Variants in MEX3B observed in about 807,000 individuals in gnomAD.
MEX3B encodes mex-3 RNA binding family member B, also known as RNA-binding protein MEX3B.
MEX3B carries 10 observed loss-of-function variants against 12.2 expected under a neutral mutation model. The observed-to-expected ratio is 0.82, with a 90% CI of 0.51 to 1.40. MEX3B has a LOEUF of 1.40. Ranked by LOEUF, MEX3B falls within the 40% of genes most tolerant of loss-of-function variation. MEX3B has a pLI of 0.00. For synonymous variants in MEX3B, 498 were observed against 356.3 expected (o/e 1.40, Z -4.48); for missense variants, 839 against 801.4 (o/e 1.05, Z -0.57).
intron 1 of MEX3B, 38 bp downstream of exon 1, chr15:82,045,412 A>ACCACCCCCACCCC: frequency 1.2e-5 from 19 of 1,573,588 alleles, no homozygotes; most frequent in Non-Finnish European, 1.5e-5. Context: ...GAGACCCTAC[A>ACCACCCCCACCCC]CCACCCCCAC....
chr15:82,044,622 C>A lies in MEX3B; in HGVS notation c.257-9G>T. ...CGCTTTGATTTTACAACCTACGAAC[C>A]AGGGTGCGGAGGAGGGAGTGGGAGA... On this transcript the variant is annotated splice_polypyrimidine_tract_variant and intron_variant, in intron 1 of 1. Coordinates refer to ENST00000329713, the MANE Select transcript of MEX3B (RefSeq NM_032246.6). The surrounding 1 kb of genome is among the most constrained non-coding windows in gnomAD (Gnocchi z 5.3). The A allele has an allele frequency of 6.2e-7, 1 of 1,614,054 alleles. No homozygotes were observed. The highest frequency in any genetic ancestry group is 8.5e-7 in the Non-Finnish European group (1 of 1,180,022).
Position 82,043,284 on chromosome 15 carries a change from G to A in MEX3B, c.1586C>T (p.Ala529Val), listed in dbSNP as rs766956569. 1 of 1,612,280 alleles carries A rather than the reference G, an allele frequency of 6.2e-7. No homozygotes were observed. Among genetic ancestry groups the A allele is most frequent in the Non-Finnish European group, 8.5e-7 (1 of 1,179,036 alleles). Reference protein sequence around the residue: ...SVCFESEVIAALVPCGHNLFC... With the variant: ...SVCFESEVIAVLVPCGHNLFC... ...GAGGTTGTGGCCACAGGGCACCAGC[G>A]CGGCAATCACTTCGCTCTCGAAGCA... Residue 529 changes from alanine (A) to valine (V), a missense_variant, in exon 2 of 2, where the codon GCG becomes GTG. By Grantham distance (64) the Ala-to-Val change is moderately conservative. Transcript: ENST00000329713.
In MEX3B at chr15:82,045,890, G is replaced by A. The variant is rs1343467105; in HGVS notation, c.-185C>T. ...TCCGTGCGGTCCGCACCGGGCAGTG[G>A]CTGCAGGAGCCCCCACCTGGGTCCC... On this transcript the variant is annotated 5_prime_UTR_variant, in exon 1 of 2. Transcript: ENST00000329713. The A allele has an allele frequency of 2.3e-5, 13 of 575,992 alleles. No homozygotes were observed. Among genetic ancestry groups the A allele is most frequent in the Non-Finnish European group, 2.9e-5 (11 of 385,570 alleles). The allele number at this position is 575,992 out of a possible 1,614,324, so 35.7% of individuals were successfully genotyped here. A position where few individuals can be genotyped will look rare whatever the true frequency, so the allele number is the denominator to read the frequency against.
chr15:82,043,923 G>T lies in MEX3B; in HGVS notation c.947C>A (p.Ala316Glu). 1 of 1,600,760 alleles carries T rather than the reference G, an allele frequency of 6.2e-7. No homozygotes were observed. ...GGCGGGGCTAGGGGGGCTGTAGTCCGCCAGGCGCTGGGTAGCCGCTGCGCT... is the reference window on the plus strand; with the variant it reads ...GGCGGGGCTAGGGGGGCTGTAGTCCTCCAGGCGCTGGGTAGCCGCTGCGCT... The part of the protein sequence containing the change: ...SSSAAATQRL[A>E]DYSPPSPALS... Residue 316 changes from alanine (A) to glutamate (E), a missense_variant, in exon 2 of 2, where the codon GCG becomes GAG. Ala to Glu is a moderately radical substitution (Grantham distance 107). Transcript: ENST00000329713.
Position 82,044,780 on chromosome 15 carries a change from C to A in MEX3B, c.257-167G>T, listed in dbSNP as rs1490419167. The stretch of plus-strand genomic sequence containing the variant: ...CCCTCACTGACCTCGGGCCGCGCCA[C>A]GGGCTGGGCAGCGGATCCCACCCGC... On this transcript the variant is annotated intron_variant, in intron 1 of 1. Transcript: ENST00000329713. This position sits in a 1 kb window ranked among gnomAD's most constrained non-coding sequence, Gnocchi z 5.3. The A allele has an allele frequency of 4.3e-6, 3 of 704,768 alleles. No individual in the cohort carries two copies. The highest frequency in any genetic ancestry group is 7.1e-6 in the Non-Finnish European group (3 of 420,338). The allele number at this position is 704,768 out of a possible 1,614,324, so 43.7% of individuals were successfully genotyped here. A position where few individuals can be genotyped will look rare whatever the true frequency, so the allele number is the denominator to read the frequency against.
At position 82,045,354 on chromosome 15, in the gene MEX3B, G is replaced by C. The variant is rs1208362325; in HGVS notation, c.256+96C>G. ...TTCCTCTCTCCCCAAGGCACCCCAC[G>C]CCGCGGATCCCGATACTGAACACGC... On this transcript the variant is annotated intron_variant, in intron 1 of 1. Transcript: ENST00000329713. The C allele has an allele frequency of 2.8e-6, 4 of 1,433,270 alleles. No homozygotes were observed. In the Admixed American group the frequency reaches 7.8e-5, roughly 28 times the overall value. 88.8% of individuals were successfully genotyped at this position (1,433,270 alleles called of 1,614,324 possible). A position where few individuals can be genotyped will look rare whatever the true frequency, so the allele number is the denominator to read the frequency against.
At position 82,043,239 on chromosome 15, in the gene MEX3B, T is replaced by A; in HGVS notation, c.1631A>T (p.Asn544Ile). 1 of 1,601,086 alleles carries A rather than the reference T, an allele frequency of 6.2e-7. No homozygotes were observed. ...GHNLFCMECA[N>I]RICEKSEPEC... is the part of the protein sequence containing the mutation. ...GGGCTCGCTCTTCTCACAGATGCGA[T>A]TGGCGCACTCCATGCAGAAGAGGTT... is the stretch of plus-strand genomic sequence containing the variant. Residue 544 changes from asparagine (N) to isoleucine (I), a missense_variant, in exon 2 of 2, where the codon AAT (asparagine) becomes ATT (isoleucine). Asn to Ile is a moderately radical substitution (Grantham distance 149). Transcript: ENST00000329713.
In MEX3B at chr15:82,043,617, G is replaced by A. The variant is rs945458677; in HGVS notation, c.1253C>T (p.Ala418Val). 1.9e-6 allele frequency: 3 copies of A among 1,599,464 alleles called. No individual in the cohort carries two copies. Among genetic ancestry groups the A allele is most frequent in the Admixed American group, 3.5e-5 (2 of 57,072 alleles). Residue 418 changes from alanine to valine, a missense_variant, in exon 2 of 2, where the codon GCG becomes GTG. Around this residue, in one of 3 missense-constraint regions of MEX3B, gnomAD observed 573 missense variants for 488.9 expected, o/e 1.17. Transcript: ENST00000329713. Reference sequence around the variant, plus strand: ...TAGCCCCAGGTTGGCGTTGGAGGGCGCACTGGCGCCACCCCCGGGGAAGAC... The same window carrying A: ...TAGCCCCAGGTTGGCGTTGGAGGGCACACTGGCGCCACCCCCGGGGAAGAC... ...SVVFPGGGAS[A>V]PSNANLGLLV...
At position 82,044,168 on chromosome 15, in the gene MEX3B, C is replaced by T. The variant is rs770609172; in HGVS notation, c.702G>A (p.Glu234=). 3 of 1,613,998 alleles carry T rather than the reference C, an allele frequency of 1.9e-6. No individual in the cohort carries two copies. Among genetic ancestry groups the T allele is most frequent in the Middle Eastern group, 1.6e-4 (1 of 6,062 alleles). Reference sequence around the variant, plus strand: ...CGTGGAAGTCGTTCTCGTCTGTGAGCTCAATGATGCCGCCGGTACGCAGAG... The same window carrying T: ...CGTGGAAGTCGTTCTCGTCTGTGAGTTCAATGATGCCGCCGGTACGCAGAG... ...HIALRTGGII[E]LTDENDFHAN... Residue 234 remains glutamate, a synonymous_variant, in exon 2 of 2, where the codon GAG becomes GAA. Transcript: ENST00000329713. This position sits in a 1 kb window ranked among gnomAD's most constrained non-coding sequence, Gnocchi z 5.3.
chr15:82,045,785 C>G lies in MEX3B; in HGVS notation c.-80G>C, dbSNP rs2073254884. ...TGCGGCCACAAAGGCAGCCGGGAAG[C>G]GGGTGGTCAGGGGCGGGGAGGCCGG... On this transcript the variant is annotated 5_prime_UTR_variant, in exon 1 of 2. Coordinates refer to ENST00000329713, the MANE Select transcript of MEX3B (RefSeq NM_032246.6). 2 of 1,306,410 alleles carry G rather than the reference C, an allele frequency of 1.5e-6. No individual in the cohort carries two copies. Among genetic ancestry groups the G allele is most frequent in the African/African-American group, 3.1e-5 (2 of 64,190 alleles). The allele number at this position is 1,306,410 out of a possible 1,614,324, so 80.9% of individuals were successfully genotyped here.
chr15:82,043,331 TTTACGCCGAA>T lies in MEX3B; in HGVS notation c.1529_1538del (p.Leu510GlnfsTer14). 6.2e-7 allele frequency: 1 copy of T among 1,604,576 alleles called. No individual in the cohort carries two copies. Among genetic ancestry groups the T allele is most frequent in the Non-Finnish European group, 8.5e-7 (1 of 1,175,212 alleles). ...AGCACACGGAGCAGTCGCGGCTGCC[TTTACGCCGAA>T]GCCCGGAGGAAGAGGATGAAGAGCT... is the stretch of plus-strand genomic sequence containing the variant. On this transcript the variant is annotated frameshift_variant, in exon 2 of 2. Transcript: ENST00000329713. LOFTEE classifies it high-confidence loss of function.
chr15:82,045,607 G>A lies in MEX3B; in HGVS notation c.99C>T (p.Ala33=). The A allele has an allele frequency of 6.2e-7, 1 of 1,607,024 alleles. No homozygotes were observed. The highest frequency in any genetic ancestry group is 8.5e-7 in the Non-Finnish European group (1 of 1,178,732). ...AGAGCTGGTCGAGCGCGAGCTGCAGGGCTCTTTGGTCATCCAGGGTCTCTC... is the reference window on the plus strand; with the variant it reads ...AGAGCTGGTCGAGCGCGAGCTGCAGAGCTCTTTGGTCATCCAGGGTCTCTC... The part of the protein sequence containing the change: ...GGGETLDDQR[A]LQLALDQLSL... The change falls in exon 1 of 2, where the codon GCC becomes GCT. Residue 33 remains alanine (A), a synonymous_variant. Coordinates refer to ENST00000329713, the MANE Select transcript of MEX3B (RefSeq NM_032246.6).
rs893767002 is a variant in MEX3B, at chr15:82,043,050, G to A, written c.*110C>T. ...TCAGAGTGTTGGTGGGGCCGGGAAG[G>A]AGAAGGGAGAGGGGGGGCACCCAGG... On this transcript the variant is annotated 3_prime_UTR_variant, in exon 2 of 2. Coordinates refer to ENST00000329713, the MANE Select transcript of MEX3B (RefSeq NM_032246.6). 1.7e-5 allele frequency: 16 copies of A among 930,550 alleles called. No individual in the cohort carries two copies. Among genetic ancestry groups the A allele is most frequent in the Admixed American group, 3.6e-5 (1 of 28,000 alleles). 57.6% of individuals were successfully genotyped at this position (930,550 alleles called of 1,614,324 possible).
In MEX3B at chr15:82,045,633, C is replaced by T. The variant is rs747777516; in HGVS notation, c.73G>A (p.Gly25Arg). The T allele has an allele frequency of 5.0e-6, 8 of 1,591,902 alleles. No homozygotes were observed. The highest frequency in any genetic ancestry group is 1.3e-5 in the African/African-American group (1 of 74,664). ...GGGGGGSSGGGETLDDQRALQ... is the reference protein window; with the variant it reads ...GGGGGGSSGGRETLDDQRALQ... ...GCTCTTTGGTCATCCAGGGTCTCTC[C>T]CCCTCCGCTGCTGCCGCCGCCGCCG... Residue 25 changes from glycine to arginine, a missense_variant, in exon 1 of 2, where the codon GGA becomes AGA. Physicochemically the swap from Gly to Arg is moderately radical, Grantham distance 125. Coordinates refer to ENST00000329713, the MANE Select transcript of MEX3B (RefSeq NM_032246.6).
At position 82,043,442 on chromosome 15, in the gene MEX3B, G is replaced by T. The variant is rs1401455661; in HGVS notation, c.1428C>A (p.Asn476Lys). Residue 476 changes from asparagine (N) to lysine (K), a missense_variant, in exon 2 of 2, where the codon AAC becomes AAA. Asn to Lys is a moderately conservative substitution (Grantham distance 94). Coordinates refer to ENST00000329713, the MANE Select transcript of MEX3B (RefSeq NM_032246.6). Reference protein sequence around the residue: ...GGGLAYAAYANGLGAQLPGLQ... With the variant: ...GGGLAYAAYAKGLGAQLPGLQ... ...AGCCAGGCAGCTGTGCCCCCAGCCC[G>T]TTGGCATAAGCGGCGTAGGCCAGGC... is the stretch of plus-strand genomic sequence containing the variant. 2 of 1,558,584 alleles carry T rather than the reference G, an allele frequency of 1.3e-6. No individual in the cohort carries two copies. Among genetic ancestry groups the T allele is most frequent in the Non-Finnish European group, 1.7e-6 (2 of 1,152,038 alleles).
At chr15:82,045,416 C>T in intron 1 of MEX3B, 34 bp downstream of exon 1, 2 of 1,560,262 alleles carry the variant, frequency 1.3e-6, no homozygotes, top group Non-Finnish European at 1.7e-6. Flanking sequence ...CCCTACACCA[C>T]CCCCACCCAC....
chr15:82,045,805 G>C lies in MEX3B; in HGVS notation c.-100C>G. On this transcript the variant is annotated 5_prime_UTR_variant, in exon 1 of 2. Transcript: ENST00000329713. ...GGAAGCGGGTGGTCAGGGGCGGGGA[G>C]GCCGGTCGCCTGCTGAGGGCTCCGT... 1 of 1,260,066 alleles carries C rather than the reference G, an allele frequency of 7.9e-7. No homozygotes were observed. The highest frequency in any genetic ancestry group is 2.4e-5 in the South Asian group (1 of 41,224). 78.1% of individuals were successfully genotyped at this position (1,260,066 alleles called of 1,614,324 possible).
rs768227944 is a variant in MEX3B, at chr15:82,045,553, G to C, written c.153C>G (p.Gly51=). The C allele has an allele frequency of 1.2e-6, 2 of 1,608,774 alleles. No individual in the cohort carries two copies. Among genetic ancestry groups the C allele is most frequent in the Non-Finnish European group, 1.7e-6 (2 of 1,178,858 alleles). Residue 51 remains glycine, a synonymous_variant, in exon 1 of 2, where the codon GGC becomes GGG. Transcript: ENST00000329713. ...LSLLGLDSDE[G]ASLYDSEPRK... ...GCGGCTCGCTGTCGTACAGAGAGGC[G>C]CCCTCGTCACTGTCCAGCCCCAGCA...
In MEX3B at chr15:82,044,882, A is replaced by C; in HGVS notation, c.257-269T>G. The C allele has an allele frequency of 1.7e-6, 1 of 578,032 alleles. No individual in the cohort carries two copies. The highest frequency in any genetic ancestry group is 3.1e-6 in the Non-Finnish European group (1 of 323,542). The allele number at this position is 578,032 out of a possible 1,614,324, so 35.8% of individuals were successfully genotyped here. On this transcript the variant is annotated intron_variant, in intron 1 of 1. Transcript: ENST00000329713. The surrounding 1 kb of genome is among the most constrained non-coding windows in gnomAD (Gnocchi z 5.3). ...CAGTCGTCCCGAACCAAACCCGAGA[A>C]TCCCAGAAAAGTCATCTGGGGAGAT...
Sources: allele counts gnomAD v4.1 joint callset, GRCh38; gene constraint gnomAD v4.1.1; regional missense constraint gnomAD v4.1.1; non-coding constraint Gnocchi (gnomAD v3.1); transcripts MANE v1.5; gene names NCBI Gene and HGNC (gene_info 2026-07-23, HGNC 2026-07-21).